Variants in HEXA observed in about 807,000 individuals in gnomAD.
HEXA encodes hexosaminidase subunit alpha, also known as beta-hexosaminidase subunit alpha.
In HEXA, 54 loss-of-function variants were observed where a neutral mutation model predicts 73.3. That is an observed-to-expected ratio of 0.74 (90% CI 0.59 to 0.92). The LOEUF is 0.92. Ranked by LOEUF, HEXA falls within the 40% of genes least tolerant of loss-of-function variation. HEXA has a pLI of 0.00. For synonymous variants in HEXA, 230 were observed against 246.9 expected (o/e 0.93, Z 0.64); for missense variants, 649 against 653.0 (o/e 0.99, Z 0.07).
chr15:72,360,073 T>C (rs2088834601), intron 1 of HEXA: 1 of 152,862 alleles, frequency 6.5e-6, no homozygotes, highest in Admixed American at 6.5e-5. Context: ...TAGTGATTCA[T>C]CACCTCAAAC....
At position 72,342,827 on chromosome 15, in the gene HEXA, C is replaced by T. The variant is rs1418645423; in HGVS notation, c.*1250G>A. ...CAGGCCCGCGTGCGGTGGCTCACGC[C>T]TCTAATCCCAGCACTTTGGGAGGCC... On this transcript the variant is annotated 3_prime_UTR_variant, in exon 14 of 14. Coordinates refer to ENST00000268097, the MANE Select transcript of HEXA (RefSeq NM_000520.6). 5 of 152,436 alleles carry T rather than the reference C, an allele frequency of 3.3e-5. No homozygotes were observed. The highest frequency in any genetic ancestry group is 3.4e-3 in the Middle Eastern group (1 of 296). The allele number at this position is 152,436 out of a possible 1,614,324, so 9.4% of individuals were successfully genotyped here.
chr15:72,350,558 T>C lies in HEXA; in HGVS notation c.765A>G (p.Ala255=), dbSNP rs1307931778. 2 of 1,614,170 alleles carry C rather than the reference T, an allele frequency of 1.2e-6. No individual in the cohort carries two copies. The highest frequency in any genetic ancestry group is 1.1e-5 in the South Asian group (1 of 91,088). The part of the protein sequence containing the change: ...YARLRGIRVL[A]EFDTPGHTLS... ...AAGTGTGGCCAGGAGTGTCAAACTCTGCAAGCACACGGATACCCCGGAGCC... is the reference window on the plus strand; with the variant it reads ...AAGTGTGGCCAGGAGTGTCAAACTCCGCAAGCACACGGATACCCCGGAGCC... The change falls in exon 7 of 14, where the codon GCA becomes GCG. Residue 255 remains alanine, a synonymous_variant. Coordinates refer to ENST00000268097, the MANE Select transcript of HEXA (RefSeq NM_000520.6).
chr15:72,375,960 T>A lies in HEXA; in HGVS notation c.13A>T (p.Arg5Trp). 6.2e-7 allele frequency: 1 copy of A among 1,613,780 alleles called. No individual in the cohort carries two copies. Among genetic ancestry groups the A allele is most frequent in the Non-Finnish European group, 8.5e-7 (1 of 1,179,990 alleles). MTSS[R>W]LWFSLLLAAA... ...GCCAGCAGCAGCGAAAACCAAAGCC[T>A]GGAGCTTGTCATGGCCCGCTGGTCT... is the stretch of plus-strand genomic sequence containing the variant. Residue 5 changes from arginine (R) to tryptophan (W), a missense_variant, in exon 1 of 14, where the codon AGG becomes TGG. By Grantham distance (101) the Arg-to-Trp change is moderately radical. Coordinates refer to ENST00000268097, the MANE Select transcript of HEXA (RefSeq NM_000520.6).
chr15:72,365,306 A>T (rs1233380433), intron 1 of HEXA, among the ~76,000 whole-genome samples: 2 of 152,038 alleles, frequency 1.3e-5, no homozygotes, highest in Admixed American at 6.6e-5. Flanking sequence ...TCACCATGTT[A>T]GCCAGGATGG....
chr15:72,372,026 T>C (rs2089000909), intron 1 of HEXA, among the ~76,000 whole-genome samples: 1 of 152,140 alleles, frequency 6.6e-6, no homozygotes, highest in Admixed American at 6.6e-5. Flanking sequence ...CTATGGCTTC[T>C]ATCAACCAGT....
intron 1 of HEXA, among the ~76,000 whole-genome samples, chr15:72,374,367 T>A (rs936036552): frequency 6.6e-6 from 1 of 152,164 alleles, no homozygotes; most frequent in African/African-American, 2.4e-5. Context: ...AGGCCTCTTA[T>A]CCTCTCCAGC....
chr15:72,375,434 C>G (rs1404209560), intron 1 of HEXA, among the ~76,000 whole-genome samples: 2 of 152,222 alleles, frequency 1.3e-5, no homozygotes, highest in African/African-American at 4.8e-5. Context: ...CTACTCAGCC[C>G]TTGCTCACAG....
At chr15:72,358,464 C>T (rs1256191073) in intron 1 of HEXA, 6 of 152,164 alleles carry the variant, frequency 3.9e-5, no homozygotes, top group South Asian at 4.1e-4. Context: ...CCTAATCTTT[C>T]GATTTTTAAA....
chr15:72,365,878 C>G (rs554370486), intron 1 of HEXA, among the ~76,000 whole-genome samples: 62 of 152,312 alleles, frequency 4.1e-4, no homozygotes, highest in Admixed American at 9.8e-4. Context: ...CATGTCATAT[C>G]TCTACCATAT....
intron 5 of HEXA, among the ~76,000 whole-genome samples, chr15:72,352,433 C>G (rs1007077560): frequency 3.5e-5 from 5 of 144,694 alleles, no homozygotes; most frequent in African/African-American, 1.3e-4. Flanking sequence ...GAAACCCCAG[C>G]TCTACAAAAA....
At chr15:72,365,397 C>G (rs368044858) in intron 1 of HEXA, among the ~76,000 whole-genome samples, 1 of 152,220 alleles carries the variant, frequency 6.6e-6, no homozygotes, top group African/African-American at 2.4e-5. Context: ...CGGCACCCAG[C>G]CATTCTTTTT....
At chr15:72,349,322 C>T (rs891237534) in intron 7 of HEXA, 63 bp from the exon 8 acceptor site, 13 of 1,228,566 alleles carry the variant, frequency 1.1e-5, no homozygotes. Flanking sequence ...CACAGTCCTA[C>T]ACGTAAGGAC....
At chr15:72,365,870 T>A (rs1474624393) in intron 1 of HEXA, among the ~76,000 whole-genome samples, 1 of 152,196 alleles carries the variant, frequency 6.6e-6, no homozygotes, top group African/African-American at 2.4e-5. Context: ...AAATCCGCCA[T>A]GTCATATCTC....
At chr15:72,359,311 C>T (rs2088822791) in intron 1 of HEXA, 1 of 152,220 alleles carries the variant, frequency 6.6e-6, no homozygotes, top group Non-Finnish European at 1.5e-5. Context: ...CAGCCTGCTA[C>T]CTCTGCAGCT....
At chr15:72,351,954 CTTAT>C (rs996047636) in intron 5 of HEXA, among the ~76,000 whole-genome samples, 6 of 135,536 alleles carry the variant, frequency 4.4e-5, no homozygotes, top group Admixed American at 2.2e-4. Context: ...CCTTCCTTCA[CTTAT>C]TTATTTATTT....
chr15:72,372,348 CAAAA>C (rs59888548), intron 1 of HEXA, among the ~76,000 whole-genome samples: 3 of 134,256 alleles, frequency 2.2e-5, no homozygotes, highest in Admixed American at 7.4e-5. Context: ...GACTCCATCT[CAAAA>C]AAAAAAAAAA....
rs563091109 is a variant in HEXA, at chr15:72,341,334, C to A, written c.*2743G>T. The A allele has an allele frequency of 6.6e-6, 1 of 152,268 alleles. No individual in the cohort carries two copies. The highest frequency in any genetic ancestry group is 2.1e-4 in the South Asian group (1 of 4,814). 9.4% of individuals were successfully genotyped at this position (152,268 alleles called of 1,614,324 possible). On this transcript the variant is annotated 3_prime_UTR_variant, in exon 14 of 14. Transcript: ENST00000268097. ...CCCTACGGCAATCCTTTGAGAAGCA[C>A]CTGAAAACACCAGTGACCTAGCTTT...
chr15:72,346,926 T>A (rs892452812), intron 10 of HEXA: 5 of 574,950 alleles, frequency 8.7e-6, no homozygotes, highest in Non-Finnish European at 9.5e-6. Flanking sequence ...CTCCTCCCCG[T>A]CCCTCTGCAG....
At chr15:72,359,967 T>C (rs780868589) in intron 1 of HEXA, 1 of 152,180 alleles carries the variant, frequency 6.6e-6, no homozygotes, top group South Asian at 2.1e-4. Flanking sequence ...AGTCCTACTG[T>C]TGAACCTTCT....
Sources: allele counts gnomAD v4.1 joint callset (sites outside exome capture counted in the v4.1 genomes callset), GRCh38; gene constraint gnomAD v4.1.1; transcripts MANE v1.5; gene names NCBI Gene and HGNC (gene_info 2026-07-23, HGNC 2026-07-21).